The following PRKN variants were observed in gnomAD, a reference collection of about 807,000 sequenced individuals.
PRKN encodes E3 ubiquitin-protein ligase parkin.
A neutral mutation model predicts 59.5 loss-of-function variants in PRKN; 56 were observed. The ratio of observed to expected loss-of-function variants is 0.94; its 90% CI spans 0.76 to 1.18. PRKN has a LOEUF of 1.18. Ranked by LOEUF, PRKN falls within the 50% of genes most tolerant of loss-of-function variation. The pLI is 0.00. For synonymous variants in PRKN, 250 were observed against 222.1 expected (o/e 1.13, Z -1.12); for missense variants, 657 against 596.4 (o/e 1.10, Z -1.06).
chr6:161,879,927 C>A (rs1352993410), intron 6 of PRKN, among the ~76,000 whole-genome samples: 1 of 152,078 alleles, frequency 6.6e-6, no homozygotes, highest in African/African-American at 2.4e-5. Flanking sequence ...CTATTTTCTA[C>A]ACTTTAGGCA....
intron 1 of PRKN, among the ~76,000 whole-genome samples, chr6:162,508,135 T>C (rs1444340920): frequency 6.6e-6 from 1 of 152,180 alleles, no homozygotes; most frequent in Non-Finnish European, 1.5e-5. Flanking sequence ...ACTTCTTACA[T>C]GGCAGCGGCA....
Position 161,796,112 on chromosome 6 carries a change from G to A in PRKN, c.735-10204C>T, listed in dbSNP as rs568072574. ...GAGCCATTGACAATAAACTGGCTAC[G>A]CAAAATAGAAATACAAAGCCACGAT... On this transcript the variant is annotated intron_variant, in intron 6 of 11. Transcript: ENST00000366898. 2.0e-3 allele frequency among the ~76,000 whole-genome samples: 306 copies of A among 152,162 alleles called. 4 individuals are homozygous for A. Among genetic ancestry groups the A allele is most frequent in the Non-Finnish European group, 1.7e-3 (117 of 68,004 alleles).
chr6:161,743,782 C>G (rs1353512003), intron 7 of PRKN, among the ~76,000 whole-genome samples: 1 of 152,162 alleles, frequency 6.6e-6, no homozygotes, highest in Non-Finnish European at 1.5e-5. Flanking sequence ...GTATAGCCAA[C>G]AGTATCATTC....
intron 4 of PRKN, among the ~76,000 whole-genome samples, chr6:162,169,271 A>G (rs1215251946): frequency 2.0e-5 from 3 of 152,200 alleles, no homozygotes; most frequent in African/African-American, 7.2e-5. Flanking sequence ...TAGCTGAGGG[A>G]CTTCAGGTAA....
rs1582987715 is a variant in PRKN, at chr6:162,070,487, T to C, written c.535-16313A>G. Among the ~76,000 whole-genome samples the C allele has an allele frequency of 3.9e-5, 6 of 152,252 alleles. 3 individuals carry two copies. In the South Asian group the frequency reaches 1.2e-3, roughly 32 times the overall value. On this transcript the variant is annotated intron_variant, in intron 4 of 11. Coordinates refer to ENST00000366898, the MANE Select transcript of PRKN (RefSeq NM_004562.3). ...ATGGTTTCTTTTCAACGTGGCTCTT[T>C]TGCATGGCCGAGTGGATGCTGAATA...
At chr6:162,336,024 T>C (rs948562811) in intron 2 of PRKN, among the ~76,000 whole-genome samples, 5 of 151,664 alleles carry the variant, frequency 3.3e-5, no homozygotes, top group Non-Finnish European at 1.5e-5. Flanking sequence ...CACACTGGAA[T>C]GCGTGATGCT....
intron 7 of PRKN, among the ~76,000 whole-genome samples, chr6:161,617,712 G>A (rs1247027330): frequency 6.6e-6 from 1 of 152,042 alleles, no homozygotes; most frequent in African/African-American, 2.4e-5. Flanking sequence ...AACATAAGTG[G>A]AGGTTTGAAT....
chr6:162,065,702 T>G (rs1327686247), intron 4 of PRKN, among the ~76,000 whole-genome samples: 1 of 152,178 alleles, frequency 6.6e-6, no homozygotes, highest in African/African-American at 2.4e-5. Context: ...GTATTTCTCC[T>G]AATGCCATCC....
chr6:162,188,565 T>C, intron 4 of PRKN, among the ~76,000 whole-genome samples: 1 of 152,206 alleles, frequency 6.6e-6, no homozygotes, highest in East Asian at 1.9e-4. Flanking sequence ...ATTCACCTTC[T>C]AATTTCAGGA....
intron 2 of PRKN, among the ~76,000 whole-genome samples, chr6:162,421,917 TTATC>T (rs1788989436): frequency 6.6e-6 from 1 of 152,188 alleles, no homozygotes; most frequent in Non-Finnish European, 1.5e-5. Context: ...TAAAAATAAT[TTATC>T]TAAATAAGTT....
chr6:162,219,201 T>G (rs1777829956), intron 3 of PRKN, among the ~76,000 whole-genome samples: 1 of 151,960 alleles, frequency 6.6e-6, no homozygotes, highest in Non-Finnish European at 1.5e-5. Context: ...AATAAATAAC[T>G]AAATAAATAA....
At chr6:162,529,183 T>G (rs1778407296) in intron 1 of PRKN, among the ~76,000 whole-genome samples, 1 of 152,172 alleles carries the variant, frequency 6.6e-6, no homozygotes, top group Non-Finnish European at 1.5e-5. Flanking sequence ...CATACTTAGC[T>G]TTTTTTAGTG....
At chr6:161,953,532 C>A (rs1780062592) in intron 6 of PRKN, among the ~76,000 whole-genome samples, 1 of 152,180 alleles carries the variant, frequency 6.6e-6, no homozygotes, top group Admixed American at 6.5e-5. Flanking sequence ...ACCGGGAAAT[C>A]ACACTCAGTG....
intron 2 of PRKN, among the ~76,000 whole-genome samples, chr6:162,286,214 C>T (rs1036580641): frequency 6.0e-5 from 9 of 149,920 alleles, no homozygotes; most frequent in African/African-American, 2.0e-4. Context: ...CATTAGGGCA[C>T]AGGTTTTATC....
In PRKN at chr6:161,378,226, C is replaced by G. The variant is rs1190923404; in HGVS notation, c.1167+8568G>C. On this transcript the variant is annotated intron_variant, in intron 10 of 11. Transcript: ENST00000366898. The surrounding 1 kb of genome is among the most constrained non-coding windows in gnomAD (Gnocchi z 7.3). ...CAGAGCTCACAGGAGAGCACTTCAA[C>G]AAGCAGATGGAGGGATCCGGCCAGT... Among the ~76,000 whole-genome samples the G allele has an allele frequency of 1.3e-5, 2 of 152,096 alleles. No individual in the cohort carries two copies. Among genetic ancestry groups the G allele is most frequent in the Non-Finnish European group, 2.9e-5 (2 of 68,018 alleles).
intron 2 of PRKN, among the ~76,000 whole-genome samples, chr6:162,367,435 GT>G (rs1480816152): frequency 6.6e-6 from 1 of 152,054 alleles, no homozygotes; most frequent in Non-Finnish European, 1.5e-5. Flanking sequence ...ATGTGTATGT[GT>G]ATTGTAATTT....
At chr6:162,329,519 G>GTC (rs1295601227) in intron 2 of PRKN, among the ~76,000 whole-genome samples, 2 of 152,072 alleles carry the variant, frequency 1.3e-5, no homozygotes, top group Non-Finnish European at 2.9e-5. Flanking sequence ...GTCTGGCCTT[G>GTC]GTGATGGTTT....
At chr6:162,112,225 T>C (rs1780469773) in intron 4 of PRKN, among the ~76,000 whole-genome samples, 1 of 152,198 alleles carries the variant, frequency 6.6e-6, no homozygotes, top group Non-Finnish European at 1.5e-5. Flanking sequence ...TCCAGCTTTA[T>C]GCTAAATATT....
At chr6:161,971,829 A>C (rs560919095) in intron 6 of PRKN, among the ~76,000 whole-genome samples, 5 of 152,348 alleles carry the variant, frequency 3.3e-5, no homozygotes, top group African/African-American at 1.2e-4. Flanking sequence ...ACAGAGTTTA[A>C]AGCAACTTTA....
Sources: allele counts gnomAD v4.1 joint callset (sites outside exome capture counted in the v4.1 genomes callset), GRCh38; gene constraint gnomAD v4.1.1; non-coding constraint Gnocchi (gnomAD v3.1); transcripts MANE v1.5; gene names NCBI Gene and HGNC (gene_info 2026-07-23, HGNC 2026-07-21).